Variants in ASXL2 observed in about 807,000 individuals in gnomAD.
ASXL2 encodes the protein ASXL transcriptional regulator 2.
A neutral mutation model predicts 122.0 loss-of-function variants in ASXL2; 23 were observed. That is an observed-to-expected ratio of 0.19 (90% CI 0.14 to 0.27). The LOEUF (loss-of-function observed/expected upper bound fraction) is 0.27, where lower values mean the gene tolerates loss of function less well. Ranked by LOEUF, ASXL2 falls within the 10% of genes least tolerant of loss-of-function variation. ASXL2 has a pLI of 1.00. For missense variants in ASXL2, 1,518 were observed against 1,713.8 expected, an observed-to-expected ratio of 0.89 and a Z score of 2.02; for synonymous variants, 650 against 637.0, an observed-to-expected ratio of 1.02 and a Z score of -0.31.
chr2:25,767,165 C>G (rs1160523596), intron 8 of ASXL2, among the ~76,000 whole-genome samples: 1 of 152,144 alleles, frequency 6.6e-6, no homozygotes, highest in African/African-American at 2.4e-5. Flanking sequence ...AAATTTCAGT[C>G]TGTCATATAT....
chr2:25,870,249 G>A (rs986607057), intron 1 of ASXL2, among the ~76,000 whole-genome samples: 3 of 152,120 alleles, frequency 2.0e-5, no homozygotes, highest in Non-Finnish European at 4.4e-5. Flanking sequence ...CTGGTGGCCG[G>A]CGCAGTGGCT....
Position 25,744,173 on chromosome 2 carries a change from C to T in ASXL2, c.2164G>A (p.Glu722Lys). ...TCCAGTGTGGGGCCCTTTCCAGTTT[C>T]ACTGACTCTGTCTGAGCCTGGACTG... ...GGSPGSDRVSETGKGPTLELA... is the reference protein window; with the variant it reads ...GGSPGSDRVSKTGKGPTLELA... Residue 722 changes from glutamate (E) to lysine (K), a missense_variant, in exon 13 of 13, where the codon GAA becomes AAA. Glu to Lys is a moderately conservative substitution (Grantham distance 56). Transcript: ENST00000435504. This position sits in a 1 kb window ranked among gnomAD's most constrained non-coding sequence, Gnocchi z 4.7. The T allele has an allele frequency of 6.2e-7, 1 of 1,614,030 alleles. No individual in the cohort carries two copies.
chr2:25,797,028 T>C (rs184179734), intron 5 of ASXL2, among the ~76,000 whole-genome samples: 1 of 152,286 alleles, frequency 6.6e-6, no homozygotes, highest in Non-Finnish European at 1.5e-5. Context: ...CTAGGGGTTT[T>C]ATGATGACTT....
chr2:25,763,358 C>T (rs769465815), intron 8 of ASXL2, among the ~76,000 whole-genome samples: 85 of 151,972 alleles, frequency 5.6e-4, no homozygotes, highest in Non-Finnish European at 1.1e-3. Context: ...GGAGTGGTGA[C>T]GTGTGCCTGT....
chr2:25,865,476 T>A (rs1056431009), intron 1 of ASXL2, among the ~76,000 whole-genome samples: 1 of 147,394 alleles, frequency 6.8e-6, no homozygotes, highest in Admixed American at 6.8e-5. Context: ...TTTTTTTAAA[T>A]CCAAATATAG....
At chr2:25,796,431 A>C (rs1301639260) in intron 5 of ASXL2, among the ~76,000 whole-genome samples, 1 of 152,220 alleles carries the variant, frequency 6.6e-6, no homozygotes, top group Non-Finnish European at 1.5e-5. Flanking sequence ...GCTAAATTAT[A>C]AATATTGGGA....
rs777391361 is a variant in ASXL2 at position 25,742,172 on chromosome 2, C to T, written c.4165G>A (p.Glu1389Lys). 34 of 1,613,866 alleles carry T rather than the reference C, an allele frequency of 2.1e-5. No homozygotes were observed. The East Asian group carries it at 2.9e-4, about 14-fold the overall frequency. The change falls in exon 13 of 13, where the codon GAA (glutamate) becomes AAA (lysine). Residue 1389 changes from glutamate to lysine, a missense_variant. Physicochemically the swap from Glu to Lys is moderately conservative, Grantham distance 56. This residue lies in a region of ASXL2 where 831 missense variants were observed against 833.1 expected (regional missense o/e 1.00). Transcript: ENST00000435504. The stretch of plus-strand genomic sequence containing the variant: ...GGCGTGCCCTCTATGCTGTTCTCTT[C>T]GGAGAACGCCTGAACAGGAATGGTC... ...GQTIPVQAFS[E>K]ENSIEGTPSK...
chr2:25,811,827 C>T (rs913862393), intron 3 of ASXL2, among the ~76,000 whole-genome samples: 4 of 152,184 alleles, frequency 2.6e-5, no homozygotes, highest in Admixed American at 1.3e-4. Flanking sequence ...TCTTGGCTTA[C>T]TGTAACCTCT....
chr2:25,867,399 G>A (rs2089918239), intron 1 of ASXL2, among the ~76,000 whole-genome samples: 1 of 152,034 alleles, frequency 6.6e-6, no homozygotes, highest in South Asian at 2.1e-4. Flanking sequence ...ATTGAGGCCT[G>A]GAGTTTGAGA....
intron 9 of ASXL2, among the ~76,000 whole-genome samples, chr2:25,756,322 A>G (rs1428866753): frequency 6.6e-6 from 1 of 151,292 alleles, no homozygotes; most frequent in Non-Finnish European, 1.5e-5. Context: ...ACCTCTCCTC[A>G]CTCCTTTCTC....
chr2:25,871,301 A>C (rs774951833), intron 1 of ASXL2, among the ~76,000 whole-genome samples: 31 of 152,162 alleles, frequency 2.0e-4, no homozygotes, highest in Admixed American at 2.0e-3. Context: ...AGGGGGGGAA[A>C]AATGTCCCAC....
rs1157385932 is a variant in ASXL2, at chr2:25,799,313, A to G, written c.403+72T>C. 5.0e-6 allele frequency: 8 copies of G among 1,603,658 alleles called. No individual in the cohort carries two copies. In the African/African-American group the frequency reaches 8.0e-5, roughly 16 times the overall value. On this transcript the variant is annotated intron_variant, in intron 5 of 12. Coordinates refer to ENST00000435504, the MANE Select transcript of ASXL2 (RefSeq NM_018263.6). ...TGACTGACTGACCTGGAGTCTGGGAAAAGAGGAACTACTAACAAGGGCATT... is the reference window on the plus strand; with the variant it reads ...TGACTGACTGACCTGGAGTCTGGGAGAAGAGGAACTACTAACAAGGGCATT...
At chr2:25,783,072 T>C (rs888791682) in intron 5 of ASXL2, among the ~76,000 whole-genome samples, 3 of 152,148 alleles carry the variant, frequency 2.0e-5, no homozygotes, top group Non-Finnish European at 4.4e-5. Context: ...GAGGCTGCAG[T>C]GAGCCAAGAT....
At chr2:25,808,757 T>C (rs895423530) in intron 3 of ASXL2, among the ~76,000 whole-genome samples, 3 of 152,244 alleles carry the variant, frequency 2.0e-5, no homozygotes, top group African/African-American at 7.2e-5. Flanking sequence ...AGTTGCACTA[T>C]TGATTTGTCT....
At chr2:25,855,718 G>A in intron 1 of ASXL2, among the ~76,000 whole-genome samples, 1 of 150,204 alleles carries the variant, frequency 6.7e-6, no homozygotes, top group South Asian at 2.1e-4. Flanking sequence ...GCACACACCT[G>A]TGGTCCCAGC....
intron 3 of ASXL2, among the ~76,000 whole-genome samples, chr2:25,807,995 A>ACACACACACACACC (rs1452098497): frequency 1.7e-4 from 25 of 150,814 alleles, no homozygotes; most frequent in Non-Finnish European, 3.3e-4. Flanking sequence ...TTACACACAC[A>ACACACACACACACC]CACACACACA....
At chr2:25,837,663 G>A (rs2089527687) in intron 2 of ASXL2, among the ~76,000 whole-genome samples, 1 of 152,030 alleles carries the variant, frequency 6.6e-6, no homozygotes, top group Non-Finnish European at 1.5e-5. Flanking sequence ...ACCAGCCCGT[G>A]CAACACAGAG....
At chr2:25,760,936 A>T (rs2088231908) in intron 8 of ASXL2, among the ~76,000 whole-genome samples, 1 of 152,236 alleles carries the variant, frequency 6.6e-6, no homozygotes, top group Non-Finnish European at 1.5e-5. Flanking sequence ...GACTTAAGAA[A>T]ATGGGACATC....
In ASXL2 at chr2:25,744,477, C is replaced by A; in HGVS notation, c.1861-1G>T. The A allele has an allele frequency of 6.3e-7, 1 of 1,588,684 alleles. No homozygotes were observed. The highest frequency in any genetic ancestry group is 1.9e-5 in the Admixed American group (1 of 53,180). On this transcript the variant is annotated splice_acceptor_variant, in intron 12 of 12. Transcript: ENST00000435504. LOFTEE classifies it high-confidence loss of function. The surrounding 1 kb of genome is among the most constrained non-coding windows in gnomAD (Gnocchi z 4.7). Reference sequence around the variant, plus strand: ...TGGGGGAGATTCTGGAGACCGGGATCTGAAAGAAGTAGAGGGGAAAAAAAC... The same window carrying A: ...TGGGGGAGATTCTGGAGACCGGGATATGAAAGAAGTAGAGGGGAAAAAAAC...
Sources: allele counts gnomAD v4.1 joint callset (sites outside exome capture counted in the v4.1 genomes callset), GRCh38; gene constraint gnomAD v4.1.1; regional missense constraint gnomAD v4.1.1; non-coding constraint Gnocchi (gnomAD v3.1); transcripts MANE v1.5; gene names NCBI Gene and HGNC (gene_info 2026-07-23, HGNC 2026-07-21).